The following CTAGE6 variants were observed in gnomAD, a reference collection of about 807,000 sequenced individuals.
The protein encoded by CTAGE6 is CTAGE family, member 6, pseudogene.
Under a neutral mutation model 28.1 loss-of-function variants are expected in CTAGE6, and 2 were observed. The ratio of observed to expected loss-of-function variants is 0.07; its 90% CI spans 0.03 to 0.22. CTAGE6 has a LOEUF of 0.22. Among genes scored for constraint, CTAGE6 ranks in the 10% least tolerant of loss-of-function variants. CTAGE6 has a pLI of 1.00. For synonymous variants in CTAGE6, 9 were observed against 151.0 expected (o/e 0.06, Z 6.90); for missense variants, 51 against 433.4 (o/e 0.12, Z 7.83).
rs536781747 is a variant in CTAGE6 at position 143,756,366 on chromosome 7, C to T, written c.1293G>A (p.Glu431=). 6.2e-7 allele frequency: 1 copy of T among 1,606,788 alleles called. No homozygotes were observed. Among genetic ancestry groups the T allele is most frequent in the East Asian group, 2.2e-5 (1 of 44,810 alleles). The change falls in exon 1 of 1, where the codon GAG becomes GAA. Residue 431 remains glutamate, a synonymous_variant. Coordinates refer to ENST00000470691, the MANE Select transcript of CTAGE6 (RefSeq NM_178561.5). ...EKLSRATEQL[E]TYRKLAKDLE... ...GATCTTTGGCTAGCTTTCTATAGGT[C>T]TCCAGCTGTTCAGTGGCACGGCTGA...
At position 143,756,118 on chromosome 7, in the gene CTAGE6, AATGCTGT is replaced by A; in HGVS notation, c.1534_1540del (p.Thr512LeufsTer71). The A allele has an allele frequency of 7.6e-7, 1 of 1,310,518 alleles. No individual in the cohort carries two copies. The highest frequency in any genetic ancestry group is 2.5e-5 in the East Asian group (1 of 39,288). The allele number at this position is 1,310,518 out of a possible 1,614,324, so 81.2% of individuals were successfully genotyped here. On this transcript the variant is annotated frameshift_variant, in exon 1 of 1. Transcript: ENST00000470691. LOFTEE classifies it low-confidence loss of function (END_TRUNC). ...ACCATTCGGGGCATGCTCTCTGCCA[AATGCTGT>A]ATTTGAAACATCAAGTGCATTAGGA...
rs1334717288 is a variant in CTAGE6 at position 143,756,527 on chromosome 7, G to T, written c.1132C>A (p.Gln378Lys). 7 of 1,604,206 alleles carry T rather than the reference G, an allele frequency of 4.4e-6. No individual in the cohort carries two copies. Among genetic ancestry groups the T allele is most frequent in the Admixed American group, 1.7e-5 (1 of 59,564 alleles). Residue 378 changes from glutamine to lysine, a missense_variant, in exon 1 of 1, where the codon CAG becomes AAG. Transcript: ENST00000470691. Reference protein sequence around the residue: ...SENIYFESENQKLQQKLKIMT... With the variant: ...SENIYFESENKKLQQKLKIMT... ...ATTTTAAGTTTCTGTTGAAGCTTCT[G>T]ATTCTCACTTTCAAAATATATGTTT...
rs1440338495 is a variant in CTAGE6, at chr7:143,756,191, AT to A, written c.1467del (p.Lys489AsnfsTer2). On this transcript the variant is annotated frameshift_variant, in exon 1 of 1. Coordinates refer to ENST00000470691, the MANE Select transcript of CTAGE6 (RefSeq NM_178561.5). LOFTEE classifies it high-confidence loss of function. ...TCAAATTTCAACTCTGTTTCAGTTAATTTTTGTTTGTTGTGAGCATTTTCTT... is the reference window on the plus strand; with the variant it reads ...TCAAATTTCAACTCTGTTTCAGTTAATTTTGTTTGTTGTGAGCATTTTCTT... ...LRKENAHNKQKLTETELKFEL... is the reference protein window; with the variant it reads ...LRKENAHNKQXLTETELKFEL... The A allele has an allele frequency of 6.5e-7, 1 of 1,540,350 alleles. No homozygotes were observed. Among genetic ancestry groups the A allele is most frequent in the Non-Finnish European group, 8.7e-7 (1 of 1,143,828 alleles).
chr7:143,756,785 T>TATC lies in CTAGE6; in HGVS notation c.871_873dup (p.Asp291dup), dbSNP rs1810204206. On this transcript the variant is annotated inframe_insertion, in exon 1 of 1. Transcript: ENST00000470691. ...TGACTGTTCACTTCTAATTCCAGGT[T>TATC]ATCATCATCCGTTGTGTCTTCTTCA... 7.8e-6 allele frequency: 12 copies of TATC among 1,531,192 alleles called. No individual in the cohort carries two copies. Among genetic ancestry groups the TATC allele is most frequent in the Non-Finnish European group, 1.1e-5 (12 of 1,134,238 alleles). 94.9% of individuals were successfully genotyped at this position (1,531,192 alleles called of 1,614,324 possible).
chr7:143,756,428 C>A lies in CTAGE6; in HGVS notation c.1231G>T (p.Glu411Ter), dbSNP rs1810191475. The A allele has an allele frequency of 2.5e-6, 4 of 1,606,830 alleles. No homozygotes were observed. Among genetic ancestry groups the A allele is most frequent in the Middle Eastern group, 1.9e-4 (1 of 5,272 alleles). Residue 411 changes from glutamate to a stop codon, truncating the protein, a stop_gained, in exon 1 of 1, where the codon GAG becomes TAG. Transcript: ENST00000470691. LOFTEE classifies it high-confidence loss of function. ...ACTTTAGAAAGCTTCTCTTCTTCCT[C>A]TATTCGGTAATTTTCCTCCACTGTT... ...KLTVEENYRI[E>*]EEEKLSKVEE...
rs763294200 is a variant in CTAGE6, at chr7:143,756,482, C to G, written c.1177G>C (p.Glu393Gln). The change falls in exon 1 of 1, where the codon GAA (glutamate) becomes CAA (glutamine). Residue 393 changes from glutamate (E) to glutamine (Q), a missense_variant. Physicochemically the swap from Glu to Gln is conservative, Grantham distance 29. Transcript: ENST00000470691. ...TTCCTATAGAGTTTCATTTCATCTT[C>G]TTGATAGAATTCAGTCATTATTTTA... ...KLKIMTEFYQ[E>Q]DEMKLYRKLT... 1.9e-6 allele frequency: 3 copies of G among 1,605,666 alleles called. No individual in the cohort carries two copies. Among genetic ancestry groups the G allele is most frequent in the Admixed American group, 1.7e-5 (1 of 59,920 alleles).
chr7:143,757,685 C>T lies in CTAGE6; in HGVS notation c.-27G>A. 2 of 188,912 alleles carry T rather than the reference C, an allele frequency of 1.1e-5. No homozygotes were observed. Among genetic ancestry groups the T allele is most frequent in the Non-Finnish European group, 1.8e-5 (2 of 112,808 alleles). 11.7% of individuals were successfully genotyped at this position (188,912 alleles called of 1,614,324 possible). ...GCGTCGAGGCTGCTCTGGCGGTCACCGCAGTAACACTGGCCACAACAAGCG... is the reference window on the plus strand; with the variant it reads ...GCGTCGAGGCTGCTCTGGCGGTCACTGCAGTAACACTGGCCACAACAAGCG... On this transcript the variant is annotated 5_prime_UTR_variant, in exon 1 of 1. Transcript: ENST00000470691.
At position 143,756,457 on chromosome 7, in the gene CTAGE6, T is replaced by C; in HGVS notation, c.1202A>G (p.Lys401Arg). 1.9e-6 allele frequency: 3 copies of C among 1,606,116 alleles called. No individual in the cohort carries two copies. Among genetic ancestry groups the C allele is most frequent in the Non-Finnish European group, 2.6e-6 (3 of 1,175,154 alleles). ...TCGGTAATTTTCCTCCACTGTTAAT[T>C]TCCTATAGAGTTTCATTTCATCTTC... ...YQEDEMKLYR[K>R]LTVEENYRIE... Residue 401 changes from lysine (K) to arginine (R), a missense_variant, in exon 1 of 1, where the codon AAA becomes AGA. Lys to Arg is a conservative substitution (Grantham distance 26). Transcript: ENST00000470691.
rs1460841920 is a variant in CTAGE6, at chr7:143,756,305, G to C, written c.1354C>G (p.Gln452Glu). 6.2e-7 allele frequency: 1 copy of C among 1,603,220 alleles called. No homozygotes were observed. The highest frequency in any genetic ancestry group is 1.1e-5 in the South Asian group (1 of 89,756). ...TTCTCGTAGGAAATAACCTGCTTTT[G>C]ATAAAAATGAACAGTTCTCTCCAAT... ...EELERTVHFYQKQVISYEKRG... is the reference protein window; with the variant it reads ...EELERTVHFYEKQVISYEKRG... The change falls in exon 1 of 1, where the codon CAA (glutamine) becomes GAA (glutamate). Residue 452 changes from glutamine to glutamate, a missense_variant. Transcript: ENST00000470691.
In CTAGE6 at chr7:143,756,478, T is replaced by C. The variant is rs1284780429; in HGVS notation, c.1181A>G (p.Asp394Gly). Reference protein sequence around the residue: ...LKIMTEFYQEDEMKLYRKLTV... With the variant: ...LKIMTEFYQEGEMKLYRKLTV... ...TAATTTCCTATAGAGTTTCATTTCA[T>C]CTTCTTGATAGAATTCAGTCATTAT... Residue 394 changes from aspartate (D) to glycine (G), a missense_variant, in exon 1 of 1, where the codon GAT becomes GGT. By Grantham distance (94) the Asp-to-Gly change is moderately conservative. Transcript: ENST00000470691. The C allele has an allele frequency of 1.2e-6, 2 of 1,605,770 alleles. 1 individual carries two copies. Among genetic ancestry groups the C allele is most frequent in the Non-Finnish European group, 1.7e-6 (2 of 1,175,130 alleles).
Position 143,756,392 on chromosome 7 carries a change from G to T in CTAGE6, c.1267C>A (p.Leu423Ile), listed in dbSNP as rs759852922. 20 of 1,606,896 alleles carry T rather than the reference G, an allele frequency of 1.2e-5. No individual in the cohort carries two copies. Among genetic ancestry groups the T allele is most frequent in the South Asian group, 1.1e-4 (10 of 90,220 alleles). Residue 423 changes from leucine (L) to isoleucine (I), a missense_variant, in exon 1 of 1, where the codon CTC (leucine) becomes ATC (isoleucine). Coordinates refer to ENST00000470691, the MANE Select transcript of CTAGE6 (RefSeq NM_178561.5). ...TCCAGCTGTTCAGTGGCACGGCTGA[G>T]CTTTTCTTCCACTTTAGAAAGCTTC... ...EEKLSKVEEKLSRATEQLETY... is the reference protein window; with the variant it reads ...EEKLSKVEEKISRATEQLETY...
chr7:143,756,404 C>T lies in CTAGE6; in HGVS notation c.1255G>A (p.Val419Met), dbSNP rs752120662. The T allele has an allele frequency of 1.9e-6, 3 of 1,607,028 alleles. 1 individual carries two copies. Among genetic ancestry groups the T allele is most frequent in the Non-Finnish European group, 2.6e-6 (3 of 1,175,250 alleles). ...GTGGCACGGCTGAGCTTTTCTTCCA[C>T]TTTAGAAAGCTTCTCTTCTTCCTCT... ...RIEEEEKLSK[V>M]EEKLSRATEQ... Residue 419 changes from valine to methionine, a missense_variant, in exon 1 of 1, where the codon GTG becomes ATG. Transcript: ENST00000470691.
chr7:143,756,304 T>G lies in CTAGE6; in HGVS notation c.1355A>C (p.Gln452Pro), dbSNP rs769691116. ...TTTCTCGTAGGAAATAACCTGCTTTTGATAAAAATGAACAGTTCTCTCCAA... is the reference window on the plus strand; with the variant it reads ...TTTCTCGTAGGAAATAACCTGCTTTGGATAAAAATGAACAGTTCTCTCCAA... ...EELERTVHFY[Q>P]KQVISYEKRG... The change falls in exon 1 of 1, where the codon CAA becomes CCA. Residue 452 changes from glutamine (Q) to proline (P), a missense_variant. Coordinates refer to ENST00000470691, the MANE Select transcript of CTAGE6 (RefSeq NM_178561.5). 2 of 1,603,292 alleles carry G rather than the reference T, an allele frequency of 1.2e-6. 1 individual carries two copies. The highest frequency in any genetic ancestry group is 1.7e-6 in the Non-Finnish European group (2 of 1,174,126).
chr7:143,756,406 T>C lies in CTAGE6; in HGVS notation c.1253A>G (p.Lys418Arg), dbSNP rs756720979. Residue 418 changes from lysine (K) to arginine (R), a missense_variant, in exon 1 of 1, where the codon AAA (lysine) becomes AGA (arginine). Lys to Arg is a conservative substitution (Grantham distance 26). Transcript: ENST00000470691. The part of the protein sequence containing the change: ...YRIEEEEKLS[K>R]VEEKLSRATE... ...GGCACGGCTGAGCTTTTCTTCCACTTTAGAAAGCTTCTCTTCTTCCTCTAT... is the reference window on the plus strand; with the variant it reads ...GGCACGGCTGAGCTTTTCTTCCACTCTAGAAAGCTTCTCTTCTTCCTCTAT... 2.6e-4 allele frequency: 410 copies of C among 1,605,980 alleles called. 60 individuals carry two copies. The highest frequency in any genetic ancestry group is 2.9e-4 in the South Asian group (26 of 90,226).
In CTAGE6 at chr7:143,756,373, T is replaced by C. The variant is rs200305011; in HGVS notation, c.1286A>G (p.Gln429Arg). ...VEEKLSRATE[Q>R]LETYRKLAKD... ...GGCTAGCTTTCTATAGGTCTCCAGC[T>C]GTTCAGTGGCACGGCTGAGCTTTTC... is the stretch of plus-strand genomic sequence containing the variant. The change falls in exon 1 of 1, where the codon CAG becomes CGG. Residue 429 changes from glutamine to arginine, a missense_variant. Physicochemically the swap from Gln to Arg is conservative, Grantham distance 43. Transcript: ENST00000470691. The C allele has an allele frequency of 0.017, 26,066 of 1,522,302 alleles. 240 individuals carry two copies. The highest frequency in any genetic ancestry group is 0.019 in the Non-Finnish European group (21,333 of 1,098,728). The allele number at this position is 1,522,302 out of a possible 1,614,324, so 94.3% of individuals were successfully genotyped here. A position where few individuals can be genotyped will look rare whatever the true frequency, so the allele number is the denominator to read the frequency against.
chr7:143,756,454 A>G lies in CTAGE6; in HGVS notation c.1205T>C (p.Leu402Ser). Residue 402 changes from leucine to serine, a missense_variant, in exon 1 of 1, where the codon TTA becomes TCA. Transcript: ENST00000470691. ...TATTCGGTAATTTTCCTCCACTGTT[A>G]ATTTCCTATAGAGTTTCATTTCATC... is the stretch of plus-strand genomic sequence containing the variant. ...QEDEMKLYRK[L>S]TVEENYRIEE... 6.2e-7 allele frequency: 1 copy of G among 1,606,112 alleles called. No individual in the cohort carries two copies. The highest frequency in any genetic ancestry group is 8.5e-7 in the Non-Finnish European group (1 of 1,175,152).
Position 143,756,562 on chromosome 7 carries a change from A to T in CTAGE6, c.1097T>A (p.Leu366Ter). 6.2e-7 allele frequency: 1 copy of T among 1,602,132 alleles called. No homozygotes were observed. Among genetic ancestry groups the T allele is most frequent in the Non-Finnish European group, 8.5e-7 (1 of 1,173,758 alleles). Residue 366 changes from leucine (L) to a stop codon, truncating the protein, a stop_gained, in exon 1 of 1, where the codon TTG (leucine) becomes TAG (stop). Coordinates refer to ENST00000470691, the MANE Select transcript of CTAGE6 (RefSeq NM_178561.5). LOFTEE classifies it high-confidence loss of function. ...TTCAAAATATATGTTTTCTGATTGC[A>T]AAGATTCTTGTTGAGTCTGAAGATT... ...IKNLQTQQES[L>*]QSENIYFESE...
chr7:143,756,092 G>C lies in CTAGE6; in HGVS notation c.1567C>G (p.Pro523Ala), dbSNP rs1810181263. The C allele has an allele frequency of 8.8e-7, 1 of 1,141,308 alleles. No homozygotes were observed. The highest frequency in any genetic ancestry group is 2.1e-5 in the African/African-American group (1 of 46,594). The allele number at this position is 1,141,308 out of a possible 1,614,324, so 70.7% of individuals were successfully genotyped here. A position where few individuals can be genotyped will look rare whatever the true frequency, so the allele number is the denominator to read the frequency against. ...GATGAACGCTGACCCAATGGTGCGG[G>C]ACCATTCGGGGCATGCTCTCTGCCA... ...AFGREHAPNG[P>A]APLGQRSSET... Residue 523 changes from proline to alanine, a missense_variant, in exon 1 of 1, where the codon CCC becomes GCC. Physicochemically the swap from Pro to Ala is conservative, Grantham distance 27. Transcript: ENST00000470691.
chr7:143,756,509 G>A lies in CTAGE6; in HGVS notation c.1150C>T (p.Leu384Phe). The A allele has an allele frequency of 6.2e-7, 1 of 1,604,970 alleles. No homozygotes were observed. Residue 384 changes from leucine (L) to phenylalanine (F), a missense_variant, in exon 1 of 1, where the codon CTT (leucine) becomes TTT (phenylalanine). Coordinates refer to ENST00000470691, the MANE Select transcript of CTAGE6 (RefSeq NM_178561.5). The part of the protein sequence containing the change: ...ESENQKLQQK[L>F]KIMTEFYQED... ...TGATAGAATTCAGTCATTATTTTAAGTTTCTGTTGAAGCTTCTGATTCTCA... is the reference window on the plus strand; with the variant it reads ...TGATAGAATTCAGTCATTATTTTAAATTTCTGTTGAAGCTTCTGATTCTCA...
Sources: gnomAD v4.1 joint callset for allele counts on GRCh38, gnomAD v4.1.1 for gene constraint, MANE v1.5 for transcripts, NCBI Gene and HGNC (gene_info 2026-07-23, HGNC 2026-07-21) for gene names.